Variants in NCKAP5 observed in about 807,000 individuals in gnomAD.
The protein encoded by NCKAP5 is nck-associated protein 5.
Under a neutral mutation model 167.0 loss-of-function variants are expected in NCKAP5, and 92 were observed. The observed-to-expected ratio is 0.55, with a 90% CI of 0.47 to 0.66. NCKAP5 has a LOEUF of 0.66. Among genes scored for constraint, NCKAP5 ranks in the 30% least tolerant of loss-of-function variants. NCKAP5 has a pLI of 0.00. For synonymous variants in NCKAP5, 891 were observed against 877.4 expected, an observed-to-expected ratio of 1.02 and a Z score of -0.27; for missense variants, 2,378 against 2,315.0, an observed-to-expected ratio of 1.03 and a Z score of -0.56.
intron 6 of NCKAP5, among the ~76,000 whole-genome samples, chr2:133,108,642 G>A (rs895205209): frequency 6.6e-6 from 1 of 152,134 alleles, no homozygotes; most frequent in Admixed American, 6.5e-5. Flanking sequence ...TCTCCAGAAC[G>A]TATTCATCCT....
intron 16 of NCKAP5, among the ~76,000 whole-genome samples, chr2:132,752,790 A>G (rs1004887342): frequency 1.3e-5 from 2 of 152,206 alleles, no homozygotes; most frequent in Non-Finnish European, 2.9e-5. Context: ...GTAAGCCAGC[A>G]AGCTGGAGAC....
Position 132,790,136 on chromosome 2 carries a change from A to C in NCKAP5, c.979T>G (p.Cys327Gly), listed in dbSNP as rs1442194782. 6.2e-7 allele frequency: 1 copy of C among 1,613,588 alleles called. No homozygotes were observed. Among genetic ancestry groups the C allele is most frequent in the Non-Finnish European group, 8.5e-7 (1 of 1,179,800 alleles). The change falls in exon 13 of 20, where the codon TGT (cysteine) becomes GGT (glycine). Residue 327 changes from cysteine to glycine, a missense_variant. Around this residue, in one of 3 missense-constraint regions of NCKAP5, gnomAD observed 1,049 missense variants for 1,023.4 expected, o/e 1.02. Transcript: ENST00000409261. ...GLGAVIPGHL[C>G]PRNSYSSSSE... Reference sequence around the variant, plus strand: ...CTGCTACTGTAGCTGTTTCGAGGACAGAGATGACCAGGGATGACAGCCCCC... The same window carrying C: ...CTGCTACTGTAGCTGTTTCGAGGACCGAGATGACCAGGGATGACAGCCCCC...
chr2:133,161,301 A>G (rs993839666), intron 5 of NCKAP5, among the ~76,000 whole-genome samples: 1 of 152,168 alleles, frequency 6.6e-6, no homozygotes, highest in Admixed American at 6.5e-5. Context: ...GCCAAGATGT[A>G]TGACTCATCT....
chr2:133,077,427 G>A (rs1173592203), intron 6 of NCKAP5, among the ~76,000 whole-genome samples: 1 of 152,172 alleles, frequency 6.6e-6, no homozygotes, highest in Non-Finnish European at 1.5e-5. Context: ...CCCTGTTCCG[G>A]TAGCTTAGAT....
intron 3 of NCKAP5, among the ~76,000 whole-genome samples, chr2:133,423,658 T>A (rs1689620742): frequency 6.6e-6 from 1 of 152,152 alleles, no homozygotes; most frequent in Non-Finnish European, 1.5e-5. Context: ...CTTTAGTTGG[T>A]TTTTAAAGGC....
At chr2:133,503,725 C>T (rs1011020439) in intron 3 of NCKAP5, among the ~76,000 whole-genome samples, 15 of 152,228 alleles carry the variant, frequency 9.9e-5, no homozygotes, top group African/African-American at 3.4e-4. Context: ...TCCTATTATA[C>T]TAAGACTCAT....
At chr2:133,295,537 G>A (rs1172393416) in intron 4 of NCKAP5, among the ~76,000 whole-genome samples, 2 of 152,096 alleles carry the variant, frequency 1.3e-5, no homozygotes, top group South Asian at 2.1e-4. Context: ...CAGAGTATTG[G>A]TGTTTCTTGG....
chr2:132,874,919 A>G (rs1418757159), intron 9 of NCKAP5, among the ~76,000 whole-genome samples: 1 of 151,730 alleles, frequency 6.6e-6, no homozygotes. Context: ...ATTTTATTTT[A>G]TTTTATTGCC....
At position 133,303,042 on chromosome 2, in the gene NCKAP5, G is replaced by A. The variant is rs375295886; in HGVS notation, c.138C>T (p.Leu46=). 2.5e-6 allele frequency: 4 copies of A among 1,599,428 alleles called. No individual in the cohort carries two copies. Among genetic ancestry groups the A allele is most frequent in the Non-Finnish European group, 2.6e-6 (3 of 1,172,212 alleles). The change falls in exon 4 of 20, where the codon CTC becomes CTT. Residue 46 remains leucine (L), a synonymous_variant. Transcript: ENST00000409261. The part of the protein sequence containing the change: ...LTQLEEQHRS[L]WREKLAVARL... Reference sequence around the variant, plus strand: ...AGAACATGAATTGAACTCACCTCCAGAGACTCCTGTGTTGCTCCTCAAGCT... The same window carrying A: ...AGAACATGAATTGAACTCACCTCCAAAGACTCCTGTGTTGCTCCTCAAGCT...
intron 2 of NCKAP5, among the ~76,000 whole-genome samples, chr2:133,555,342 A>G (rs1350368442): frequency 6.6e-6 from 1 of 152,170 alleles, no homozygotes; most frequent in Non-Finnish European, 1.5e-5. Context: ...CTGGTCTTCT[A>G]CAATCTGACT....
the NCKAP5 span, among the ~76,000 whole-genome samples, chr2:133,668,979 G>T: frequency 1.3e-5 from 2 of 152,086 alleles, 1 homozygote; most frequent in South Asian, 4.1e-4. Flanking sequence ...GAGTTTGCAG[G>T]GAGCTAGCAG....
chr2:133,555,362 A>C (rs1687666496), intron 2 of NCKAP5, among the ~76,000 whole-genome samples: 2 of 152,178 alleles, frequency 1.3e-5, no homozygotes, highest in African/African-American at 4.8e-5. Flanking sequence ...TATCTGGTCC[A>C]CCACAATGTC....
chr2:132,950,543 C>T lies in NCKAP5; in HGVS notation c.579+13177G>A, dbSNP rs531761874. Among the ~76,000 whole-genome samples, 4 of 152,246 alleles carry T rather than the reference C, an allele frequency of 2.6e-5. No homozygotes were observed. In the South Asian group the frequency reaches 6.2e-4, roughly 24 times the overall value. On this transcript the variant is annotated intron_variant, in intron 8 of 19. Coordinates refer to ENST00000409261, the MANE Select transcript of NCKAP5 (RefSeq NM_207363.3). ...GGATGTGCATTCAAGAATTTACATT[C>T]ATCTCAGGAAATACCCCGACACCAC...
intron 6 of NCKAP5, among the ~76,000 whole-genome samples, chr2:133,049,483 T>C (rs918693963): frequency 1.4e-5 from 2 of 139,982 alleles, no homozygotes; most frequent in South Asian, 2.3e-4. Flanking sequence ...AGGCAGAGCT[T>C]GCGGTGAGCC....
At chr2:133,493,840 A>G (rs1681688009) in intron 3 of NCKAP5, among the ~76,000 whole-genome samples, 1 of 152,216 alleles carries the variant, frequency 6.6e-6, no homozygotes, top group South Asian at 2.1e-4. Flanking sequence ...TGTGACAAAG[A>G]TCAGGCAGAA....
intron 3 of NCKAP5, among the ~76,000 whole-genome samples, chr2:133,330,147 G>A (rs1288614367): frequency 7.6e-6 from 1 of 131,314 alleles, no homozygotes; most frequent in Non-Finnish European, 1.5e-5. Context: ...GCTCAATGCA[G>A]CCTCTACATC....
At chr2:133,181,085 T>A (rs1430926506) in intron 5 of NCKAP5, among the ~76,000 whole-genome samples, 1 of 152,084 alleles carries the variant, frequency 6.6e-6, no homozygotes, top group Non-Finnish European at 1.5e-5. Flanking sequence ...TATAATGGGT[T>A]TTTATTCTCA....
intron 9 of NCKAP5, among the ~76,000 whole-genome samples, chr2:132,876,579 C>A (rs181505975): frequency 6.6e-6 from 1 of 152,176 alleles, no homozygotes; most frequent in Admixed American, 6.5e-5. Flanking sequence ...TGTTCTCTTA[C>A]AATGTGTGGA....
intron 6 of NCKAP5, among the ~76,000 whole-genome samples, chr2:133,086,251 T>C (rs1319660729): frequency 6.6e-6 from 1 of 152,210 alleles, no homozygotes; most frequent in Non-Finnish European, 1.5e-5. Context: ...TGAGAAGTTT[T>C]CATTTTAGTG....
Sources: allele counts gnomAD v4.1 joint callset (sites outside exome capture counted in the v4.1 genomes callset), GRCh38; gene constraint gnomAD v4.1.1; regional missense constraint gnomAD v4.1.1; transcripts MANE v1.5; gene names NCBI Gene and HGNC (gene_info 2026-07-23, HGNC 2026-07-21).